Variants in ARAP1 observed in about 807,000 individuals in gnomAD.
ARAP1 encodes the protein arf-GAP with Rho-GAP domain, ANK repeat and PH domain-containing protein 1.
In ARAP1, 76 loss-of-function variants were observed where a neutral mutation model predicts 172.2. The ratio of observed to expected loss-of-function variants is 0.44; its 90% CI spans 0.37 to 0.53. The LOEUF is 0.53. Among genes scored for constraint, ARAP1 ranks in the 20% least tolerant of loss-of-function variants. The pLI is 0.00. For missense variants in ARAP1, 1,686 were observed against 1,977.5 expected, an observed-to-expected ratio of 0.85 and a Z score of 2.80; for synonymous variants, 804 against 803.3, an observed-to-expected ratio of 1.00 and a Z score of -0.01.
At position 72,710,292 on chromosome 11, in the gene ARAP1, A is replaced by T; in HGVS notation, c.1416+93T>A. 6.8e-7 allele frequency: 1 copy of T among 1,469,632 alleles called. No individual in the cohort carries two copies. Among genetic ancestry groups the T allele is most frequent in the Non-Finnish European group, 9.4e-7 (1 of 1,061,950 alleles). The allele number at this position is 1,469,632 out of a possible 1,614,324, so 91.0% of individuals were successfully genotyped here. A position where few individuals can be genotyped will look rare whatever the true frequency, so the allele number is the denominator to read the frequency against. On this transcript the variant is annotated intron_variant, in intron 10 of 34. Coordinates refer to ENST00000393609, the MANE Select transcript of ARAP1 (RefSeq NM_001040118.3). The surrounding 1 kb of genome is among the most constrained non-coding windows in gnomAD (Gnocchi z 4.3). ...AGGGCTGGGCCCAGTGCAGGAAAAG[A>T]GGGAACAGAAAAGGCAGGGCTAAGG... is the stretch of plus-strand genomic sequence containing the variant.
At chr11:72,734,314 T>C (rs1226941450) in intron 1 of ARAP1, among the ~76,000 whole-genome samples, 1 of 152,146 alleles carries the variant, frequency 6.6e-6, no homozygotes, top group Non-Finnish European at 1.5e-5. Flanking sequence ...AAAGACAGGG[T>C]CTCGTTATGT....
chr11:72,728,792 C>T (rs1857773431), intron 2 of ARAP1, among the ~76,000 whole-genome samples: 1 of 152,098 alleles, frequency 6.6e-6, no homozygotes, highest in Admixed American at 6.5e-5. Context: ...AAAAGAAGAC[C>T]TGGACAAATG....
intron 3 of ARAP1, among the ~76,000 whole-genome samples, chr11:72,717,609 C>A (rs985070046): frequency 1.3e-5 from 2 of 152,226 alleles, no homozygotes; most frequent in Non-Finnish European, 2.9e-5. Flanking sequence ...GCAAGCTCCA[C>A]ACCCTCCTTC....
chr11:72,701,547 T>A, intron 16 of ARAP1, 102 bp downstream of exon 16: 1 of 1,468,222 alleles, frequency 6.8e-7, no homozygotes. Context: ...CCCTCTAGGG[T>A]GACTCTGCCA....
At chr11:72,750,473 C>T (rs1051444082) in intron 1 of ARAP1, among the ~76,000 whole-genome samples, 8 of 152,218 alleles carry the variant, frequency 5.3e-5, no homozygotes, top group African/African-American at 1.9e-4. Context: ...CACTAGCCCC[C>T]GATACTCTCA....
At chr11:72,694,711 C>G (rs550446673) in intron 27 of ARAP1, among the ~76,000 whole-genome samples, 3 of 152,266 alleles carry the variant, frequency 2.0e-5, no homozygotes, top group Admixed American at 1.3e-4. Context: ...TCCTCCACTG[C>G]CATCAAGACC....
intron 1 of ARAP1, among the ~76,000 whole-genome samples, chr11:72,744,590 A>C (rs1314827993): frequency 6.6e-6 from 1 of 152,224 alleles, no homozygotes; most frequent in Non-Finnish European, 1.5e-5. Flanking sequence ...GCAAGAACCT[A>C]GCCAGGGCCG....
intron 3 of ARAP1, among the ~76,000 whole-genome samples, chr11:72,723,995 C>CAA (rs1857611655): frequency 6.6e-6 from 1 of 152,228 alleles, no homozygotes; most frequent in Non-Finnish European, 1.5e-5. Flanking sequence ...TACTCACACA[C>CAA]TGTTGGGGTC....
Position 72,699,560 on chromosome 11 carries a change from G to C in ARAP1, c.2303-8C>G. On this transcript the variant is annotated splice_polypyrimidine_tract_variant and splice_region_variant and intron_variant, in intron 16 of 34. Transcript: ENST00000393609. This position sits in a 1 kb window ranked among gnomAD's most constrained non-coding sequence, Gnocchi z 4.2. The stretch of plus-strand genomic sequence containing the variant: ...ACCAGCGCCGGCTGAACTCTGGGGA[G>C]AATTTGGGCAGGGGAGCCATCAGGG... 1 of 1,610,238 alleles carries C rather than the reference G, an allele frequency of 6.2e-7. No individual in the cohort carries two copies. The highest frequency in any genetic ancestry group is 1.3e-5 in the African/African-American group (1 of 74,950).
In ARAP1 at chr11:72,698,033, G is replaced by A; in HGVS notation, c.2615C>T (p.Ala872Val). ...FERLGRLPYK[A>V]GLSLQRAQEG... is the part of the protein sequence containing the mutation. ...CTGGGCCCGCTGTAGGCTCAGGCCA[G>A]CTTTGTAGGGTAGGCGTCCCAGCCG... Residue 872 changes from alanine to valine, a missense_variant, in exon 19 of 35, where the codon GCT becomes GTT. By Grantham distance (64) the Ala-to-Val change is moderately conservative. This residue lies in a region of ARAP1 where 688 missense variants were observed against 856.9 expected (regional missense o/e 0.80). Transcript: ENST00000393609. 1 of 1,609,290 alleles carries A rather than the reference G, an allele frequency of 6.2e-7. No homozygotes were observed. The highest frequency in any genetic ancestry group is 8.5e-7 in the Non-Finnish European group (1 of 1,178,230).
rs1856046956 is a variant in ARAP1, at chr11:72,693,808, G to A, written c.3695-3C>T. The A allele has an allele frequency of 6.3e-7, 1 of 1,593,034 alleles. No homozygotes were observed. The highest frequency in any genetic ancestry group is 8.5e-7 in the Non-Finnish European group (1 of 1,170,774). ...CTCCGCAAAGTGCAGGGGGCGCTCTGGGGAGAGGTCACACCTACCGTCACT... is the reference window on the plus strand; with the variant it reads ...CTCCGCAAAGTGCAGGGGGCGCTCTAGGGAGAGGTCACACCTACCGTCACT... On this transcript the variant is annotated splice_region_variant and splice_polypyrimidine_tract_variant and intron_variant, in intron 27 of 34. Transcript: ENST00000393609. The surrounding 1 kb of genome is among the most constrained non-coding windows in gnomAD (Gnocchi z 4.6).
rs113423461 is a variant in ARAP1, at chr11:72,710,014, G to A, written c.1417-38C>T. The A allele has an allele frequency of 1.3e-3, 2,094 of 1,563,318 alleles. 20 individuals are homozygous for A. In the African/African-American group the frequency reaches 0.025, roughly 18 times the overall value. ...TGGGACGGGATGAGGGCAAGGCTTTGGGGGCAGGGCGTGAGGCTTGGGACA... is the reference window on the plus strand; with the variant it reads ...TGGGACGGGATGAGGGCAAGGCTTTAGGGGCAGGGCGTGAGGCTTGGGACA... On this transcript the variant is annotated intron_variant, in intron 10 of 34. Coordinates refer to ENST00000393609, the MANE Select transcript of ARAP1 (RefSeq NM_001040118.3). The surrounding 1 kb of genome is among the most constrained non-coding windows in gnomAD (Gnocchi z 4.3).
chr11:72,751,033 G>C (rs1858515754), intron 1 of ARAP1, among the ~76,000 whole-genome samples: 1 of 152,120 alleles, frequency 6.6e-6, no homozygotes, highest in Non-Finnish European at 1.5e-5. Flanking sequence ...TATAAAGCTG[G>C]GGTTGAGTAG....
chr11:72,746,647 G>A (rs1178972052), intron 1 of ARAP1, among the ~76,000 whole-genome samples: 4 of 152,050 alleles, frequency 2.6e-5, no homozygotes, highest in Non-Finnish European at 4.4e-5. Flanking sequence ...GAGTGGAGAG[G>A]AGTGGAACAG....
Position 72,710,291 on chromosome 11 carries a change from G to A in ARAP1, c.1416+94C>T. ...AAGGGCTGGGCCCAGTGCAGGAAAA[G>A]AGGGAACAGAAAAGGCAGGGCTAAG... On this transcript the variant is annotated intron_variant, in intron 10 of 34. Transcript: ENST00000393609. This position sits in a 1 kb window ranked among gnomAD's most constrained non-coding sequence, Gnocchi z 4.3. 1 of 1,468,972 alleles carries A rather than the reference G, an allele frequency of 6.8e-7. No homozygotes were observed. Among genetic ancestry groups the A allele is most frequent in the African/African-American group, 1.4e-5 (1 of 71,976 alleles). The allele number at this position is 1,468,972 out of a possible 1,614,324, so 91.0% of individuals were successfully genotyped here.
At chr11:72,687,642 A>G in intron 32 of ARAP1, 46 bp downstream of exon 32, 1 of 1,613,874 alleles carries the variant, frequency 6.2e-7, no homozygotes, top group Non-Finnish European at 8.5e-7. Flanking sequence ...GGGACGTGCC[A>G]CCATCTTTCC....
At chr11:72,723,454 T>C (rs1481195385) in intron 3 of ARAP1, among the ~76,000 whole-genome samples, 1 of 152,172 alleles carries the variant, frequency 6.6e-6, no homozygotes, top group Non-Finnish European at 1.5e-5. Context: ...GGGAACTCCA[T>C]CCTTGCTTGT....
intron 1 of ARAP1, among the ~76,000 whole-genome samples, chr11:72,738,725 G>A (rs1246523490): frequency 6.6e-6 from 1 of 152,068 alleles, no homozygotes; most frequent in African/African-American, 2.4e-5. Flanking sequence ...CCAGGCCTGG[G>A]TCTACAAACC....
At chr11:72,714,984 G>A (rs1857212020) in intron 3 of ARAP1, among the ~76,000 whole-genome samples, 1 of 152,150 alleles carries the variant, frequency 6.6e-6, no homozygotes, top group African/African-American at 2.4e-5. Flanking sequence ...CCAAGTTCAG[G>A]GCCTCCTGGG....
Sources: gnomAD v4.1 joint callset for allele counts (sites outside exome capture counted in the v4.1 genomes callset) on GRCh38, gnomAD v4.1.1 for gene constraint, gnomAD v4.1.1 regional missense constraint, Gnocchi (gnomAD v3.1) non-coding constraint, MANE v1.5 for transcripts, NCBI Gene and HGNC (gene_info 2026-07-23, HGNC 2026-07-21) for gene names.